SERPINE3: variants seen among roughly 807,000 people sequenced by gnomAD.
SERPINE3 encodes serpin family E member 3.
A neutral mutation model predicts 41.7 loss-of-function variants in SERPINE3; 43 were observed. The observed-to-expected ratio is 1.03, with a 90% confidence interval of 0.81 to 1.33. The LOEUF is 1.33. Ranked by LOEUF, SERPINE3 falls within the 40% of genes most tolerant of loss-of-function variation. The pLI is 0.00. For missense variants in SERPINE3, 440 were observed against 491.7 expected (o/e 0.89, Z 0.99); for synonymous variants, 200 against 192.2 (o/e 1.04, Z -0.34).
At chr13:51,351,998 A>G (rs997987016) in intron 6 of SERPINE3, among the ~76,000 whole-genome samples, 2 of 152,108 alleles carry the variant, frequency 1.3e-5, no homozygotes, top group Non-Finnish European at 2.9e-5. Context: ...ATAGGCATAG[A>G]TATTTGTATA....
intron 9 of SERPINE3, chr13:51,362,739 T>G (rs1307133120): frequency 6.6e-6 from 1 of 152,456 alleles, no homozygotes; most frequent in Non-Finnish European, 1.5e-5. Context: ...ATGCATAGTT[T>G]TACATAAATT....
At chr13:51,348,709 G>A (rs1593639547) in intron 6 of SERPINE3, 1 of 346,914 alleles carries the variant, frequency 2.9e-6, no homozygotes, top group Non-Finnish European at 5.3e-6. Flanking sequence ...CCCTGATCCA[G>A]CCCTAGGCTG....
rs1955491126 is a variant in SERPINE3 at position 51,357,016 on chromosome 13, T to C, written c.1000+1873T>C. 1.3e-5 allele frequency among the ~76,000 whole-genome samples: 2 copies of C among 152,164 alleles called. 1 individual carries two copies. The highest frequency in any genetic ancestry group is 1.3e-4 in the Admixed American group (2 of 15,252). On this transcript the variant is annotated intron_variant, in intron 7 of 9. Coordinates refer to ENST00000681248, the MANE Select transcript of SERPINE3 (RefSeq NM_001386375.1). Reference sequence around the variant, plus strand: ...AACAATGGCCTACCACCTGCTTTTGTGAAGTTTAATTAAAACATAGCCACT... The same window carrying C: ...AACAATGGCCTACCACCTGCTTTTGCGAAGTTTAATTAAAACATAGCCACT...
At chr13:51,361,504 T>G in intron 8 of SERPINE3, 140 bp downstream of exon 8, 2 of 641,606 alleles carry the variant, frequency 3.1e-6, no homozygotes, top group Middle Eastern at 5.2e-4. Flanking sequence ...AAAGGAACAC[T>G]AAAGAAAACA....
At chr13:51,356,969 T>C (rs1955490467) in intron 7 of SERPINE3, among the ~76,000 whole-genome samples, 1 of 152,120 alleles carries the variant, frequency 6.6e-6, no homozygotes, top group Non-Finnish European at 1.5e-5. Flanking sequence ...GAAGTTTTGT[T>C]CCTCTAAAGC....
At position 51,348,303 on chromosome 13, in the gene SERPINE3, G is replaced by A. The variant is rs1449348945; in HGVS notation, c.791G>A (p.Arg264His). The A allele has an allele frequency of 9.3e-6, 15 of 1,613,178 alleles. 1 individual carries two copies. The highest frequency in any genetic ancestry group is 3.3e-5 in the Admixed American group (2 of 59,958). ...SAVSLFLVLP[R>H]DKDTPLSHIE... ...GTGAGTCTGTTCCTGGTGCTGCCCC[G>A]TGACAAAGACACCCCCCTGAGCCAC... The change falls in exon 6 of 10, where the codon CGT (arginine) becomes CAT (histidine). Residue 264 changes from arginine to histidine, a missense_variant. By Grantham distance (29) the Arg-to-His change is conservative. Coordinates refer to ENST00000681248, the MANE Select transcript of SERPINE3 (RefSeq NM_001386375.1).
intron 6 of SERPINE3, among the ~76,000 whole-genome samples, chr13:51,350,273 T>C (rs1955391893): frequency 6.6e-6 from 1 of 152,164 alleles, no homozygotes; most frequent in Admixed American, 6.5e-5. Context: ...AGTAACCTTT[T>C]ATTTATAAAT....
chr13:51,357,297 G>C (rs1393109833), intron 7 of SERPINE3, among the ~76,000 whole-genome samples: 1 of 152,156 alleles, frequency 6.6e-6, no homozygotes, highest in Non-Finnish European at 1.5e-5. Flanking sequence ...CCAACAAATA[G>C]TTTCCTCATT....
At chr13:51,354,010 A>G (rs1680900141) in intron 6 of SERPINE3, 1 of 152,222 alleles carries the variant, frequency 6.6e-6, no homozygotes, top group Non-Finnish European at 1.5e-5. Flanking sequence ...GTTTACTAGG[A>G]AAACCAAGGC....
intron 3 of SERPINE3, among the ~76,000 whole-genome samples, chr13:51,342,105 G>A (rs2137762485): frequency 7.1e-6 from 1 of 140,956 alleles, no homozygotes; most frequent in Admixed American, 7.8e-5. Context: ...ACCAACTCCA[G>A]CTAAAACAGA....
intron 6 of SERPINE3, among the ~76,000 whole-genome samples, chr13:51,351,534 G>A (rs759878675): frequency 6.6e-6 from 1 of 152,040 alleles, no homozygotes; most frequent in Non-Finnish European, 1.5e-5. Context: ...CTGGATACTA[G>A]TACCTTAACA....
chr13:51,349,233 G>GGCAAAT (rs1400374015), intron 6 of SERPINE3, among the ~76,000 whole-genome samples: 1 of 152,200 alleles, frequency 6.6e-6, no homozygotes, highest in African/African-American at 2.4e-5. Context: ...CAAAGGCAAA[G>GGCAAAT]TCCTTGGCAG....
intron 3 of SERPINE3, among the ~76,000 whole-genome samples, 167 bp downstream of exon 3, chr13:51,341,514 G>A: frequency 6.6e-6 from 1 of 152,196 alleles, no homozygotes. Flanking sequence ...CTACCTGGGA[G>A]ATAGGGAGCT....
At chr13:51,346,825 A>C (rs2137776277) in intron 4 of SERPINE3, among the ~76,000 whole-genome samples, 200 bp from the exon 5 acceptor site, 1 of 152,374 alleles carries the variant, frequency 6.6e-6, no homozygotes, top group African/African-American at 2.4e-5. Context: ...GGTCCCTGAC[A>C]GCACAAGGAG....
At chr13:51,356,315 T>G (rs1955480995) in intron 7 of SERPINE3, among the ~76,000 whole-genome samples, 1 of 151,910 alleles carries the variant, frequency 6.6e-6, no homozygotes, top group Admixed American at 6.6e-5. Context: ...AGGCATAATC[T>G]GACATTTCAA....
chr13:51,364,652 G>C lies in SERPINE3; in HGVS notation c.*370G>C, dbSNP rs1310810033. The C allele has an allele frequency of 5.3e-5, 9 of 169,674 alleles. No individual in the cohort carries two copies. The highest frequency in any genetic ancestry group is 5.1e-4 in the Admixed American group (8 of 15,730). 10.5% of individuals were successfully genotyped at this position (169,674 alleles called of 1,614,324 possible). A position where few individuals can be genotyped will look rare whatever the true frequency, so the allele number is the denominator to read the frequency against. On this transcript the variant is annotated 3_prime_UTR_variant, in exon 10 of 10. Coordinates refer to ENST00000681248, the MANE Select transcript of SERPINE3 (RefSeq NM_001386375.1). ...GTTTTCCTTATCCTGTGAAACTCAG[G>C]GGGGATGCAAAATGAGCAAAGTCAT...
chr13:51,356,030 T>C (rs946677923), intron 7 of SERPINE3, among the ~76,000 whole-genome samples: 4 of 152,116 alleles, frequency 2.6e-5, no homozygotes, highest in African/African-American at 9.7e-5. Context: ...CACAGGAAAA[T>C]TGAGATTTTG....
intron 6 of SERPINE3, among the ~76,000 whole-genome samples, chr13:51,350,288 A>T (rs967359219): frequency 3.3e-5 from 5 of 152,154 alleles, no homozygotes; most frequent in South Asian, 2.1e-4. Flanking sequence ...ATAAATAAAT[A>T]AAAAAAGTGC....
intron 6 of SERPINE3, among the ~76,000 whole-genome samples, chr13:51,353,125 T>A (rs888054114): frequency 6.6e-6 from 1 of 152,194 alleles, no homozygotes; most frequent in African/African-American, 2.4e-5. Flanking sequence ...TTGTAGCATT[T>A]CTGCTGGATC....
Sources: gnomAD v4.1 joint callset for allele counts (sites outside exome capture counted in the v4.1 genomes callset) on GRCh38, gnomAD v4.1.1 for gene constraint, MANE v1.5 for transcripts, NCBI Gene and HGNC (gene_info 2026-07-23, HGNC 2026-07-21) for gene names.